Variants in GABRG3 observed in about 807,000 individuals in gnomAD.
GABRG3 encodes gamma-aminobutyric acid receptor subunit gamma-3.
Under a neutral mutation model 48.8 loss-of-function variants are expected in GABRG3, and 25 were observed. The observed-to-expected ratio is 0.51, with a 90% CI of 0.37 to 0.72. The LOEUF (loss-of-function observed/expected upper bound fraction) is 0.72. GABRG3 is among the 30% of genes least tolerant of loss of function. GABRG3 has a pLI of 0.00. For synonymous variants in GABRG3, 227 were observed against 217.6 expected (o/e 1.04, Z -0.38); for missense variants, 394 against 577.9 (o/e 0.68, Z 3.26).
chr15:27,290,791 A>G (rs1055942490), intron 3 of GABRG3, among the ~76,000 whole-genome samples: 1 of 152,208 alleles, frequency 6.6e-6, no homozygotes, highest in Non-Finnish European at 1.5e-5. Context: ...TTAGGGAAAA[A>G]CTAAGGAAAT....
intron 2 of GABRG3, among the ~76,000 whole-genome samples, chr15:26,996,190 A>G (rs768681113): frequency 1.3e-5 from 2 of 152,112 alleles, no homozygotes; most frequent in Non-Finnish European, 2.9e-5. Flanking sequence ...CTATGTAATT[A>G]TCTTTATTAG....
intron 5 of GABRG3, among the ~76,000 whole-genome samples, chr15:27,404,574 TTGTC>T (rs1398814917): frequency 1.3e-5 from 2 of 152,148 alleles, no homozygotes; most frequent in Non-Finnish European, 2.9e-5. Flanking sequence ...TTAATGGACA[TTGTC>T]TGCTCACTGG....
At chr15:27,351,053 GGT>G (rs199877040) in intron 5 of GABRG3, among the ~76,000 whole-genome samples, 13,100 of 149,134 alleles carry the variant, frequency 0.088, 768 homozygotes, top group African/African-American at 0.16. Flanking sequence ...ATGTGCATAT[GGT>G]GTGTGTGTGT....
chr15:27,482,866 C>G (rs1385089962), intron 6 of GABRG3, among the ~76,000 whole-genome samples: 2 of 152,180 alleles, frequency 1.3e-5, no homozygotes, highest in Non-Finnish European at 2.9e-5. Context: ...GTGAGGTGGT[C>G]TCTGTCCATT....
intron 3 of GABRG3, among the ~76,000 whole-genome samples, chr15:27,105,264 CAG>C (rs1294103905): frequency 6.6e-6 from 1 of 152,098 alleles, no homozygotes; most frequent in Non-Finnish European, 1.5e-5. Context: ...CATCAAGCAA[CAG>C]AGCCTCAAAA....
At chr15:27,071,281 T>C (rs996502140) in intron 3 of GABRG3, among the ~76,000 whole-genome samples, 5 of 152,110 alleles carry the variant, frequency 3.3e-5, no homozygotes, top group African/African-American at 1.2e-4. Flanking sequence ...GGAGGGGGCA[T>C]TTCTACCCTT....
At chr15:27,057,200 C>T (rs953564547) in intron 3 of GABRG3, among the ~76,000 whole-genome samples, 4 of 152,152 alleles carry the variant, frequency 2.6e-5, no homozygotes, top group Admixed American at 2.6e-4. Flanking sequence ...GTGGATCTTT[C>T]TTCCTAACTC....
At chr15:27,306,961 T>A (rs1429635630) in intron 3 of GABRG3, among the ~76,000 whole-genome samples, 1 of 127,570 alleles carries the variant, frequency 7.8e-6, no homozygotes, top group African/African-American at 3.0e-5. Flanking sequence ...ATAAACATGT[T>A]TATATATAAA....
In GABRG3 at chr15:27,053,522, A is replaced by G. The variant is rs115299731; in HGVS notation, c.270+26701A>G. ...AGGCTGCAGAGAAAATGGAACACTT[A>G]TACACTGTTGGTGAGAAGGTAAATT... On this transcript the variant is annotated intron_variant, in intron 3 of 9. Coordinates refer to ENST00000615808, the MANE Select transcript of GABRG3 (RefSeq NM_033223.5). Among the ~76,000 whole-genome samples the G allele has an allele frequency of 5.5e-3, 839 of 152,352 alleles. 8 individuals carry two copies. Among genetic ancestry groups the G allele is most frequent in the African/African-American group, 0.019 (786 of 41,576 alleles).
intron 5 of GABRG3, among the ~76,000 whole-genome samples, chr15:27,409,338 G>A (rs529202010): frequency 4.9e-4 from 75 of 152,032 alleles, no homozygotes; most frequent in African/African-American, 1.6e-3. Context: ...AGCACCATTT[G>A]TTGAGAAAGC....
At chr15:27,016,558 G>A (rs1344315939) in intron 2 of GABRG3, among the ~76,000 whole-genome samples, 1 of 152,006 alleles carries the variant, frequency 6.6e-6, no homozygotes, top group Admixed American at 6.6e-5. Context: ...TTGACAGTTG[G>A]ATTATGATGT....
chr15:27,040,750 T>C (rs574054576), intron 3 of GABRG3, among the ~76,000 whole-genome samples: 1 of 152,346 alleles, frequency 6.6e-6, no homozygotes, highest in South Asian at 2.1e-4. Context: ...TCTCTCTTTT[T>C]TGGCTGCAAA....
At chr15:27,361,680 A>G (rs1383775690) in intron 5 of GABRG3, among the ~76,000 whole-genome samples, 1 of 152,212 alleles carries the variant, frequency 6.6e-6, no homozygotes, top group Non-Finnish European at 1.5e-5. Flanking sequence ...GTGGGTGGTC[A>G]ACAGTCTTTA....
In GABRG3 at chr15:27,042,137, G is replaced by T. The variant is rs1595489185; in HGVS notation, c.270+15316G>T. Among the ~76,000 whole-genome samples, 4 of 152,208 alleles carry T rather than the reference G, an allele frequency of 2.6e-5. No individual in the cohort carries two copies. The South Asian group carries it at 8.3e-4, about 32-fold the overall frequency. Reference sequence around the variant, plus strand: ...TGAGGACACAGGATACTGTGGTCTGGCTGGATGCAAGCGGCTGCCCATGTG... The same window carrying T: ...TGAGGACACAGGATACTGTGGTCTGTCTGGATGCAAGCGGCTGCCCATGTG... On this transcript the variant is annotated intron_variant, in intron 3 of 9. Coordinates refer to ENST00000615808, the MANE Select transcript of GABRG3 (RefSeq NM_033223.5).
At chr15:27,501,186 C>G (rs766458816) in intron 6 of GABRG3, among the ~76,000 whole-genome samples, 1 of 152,066 alleles carries the variant, frequency 6.6e-6, no homozygotes, top group Non-Finnish European at 1.5e-5. Flanking sequence ...CTCCTGACCT[C>G]GTGATCTGCC....
chr15:27,496,669 A>C (rs184912383), intron 6 of GABRG3, among the ~76,000 whole-genome samples: 1 of 152,168 alleles, frequency 6.6e-6, no homozygotes, highest in Non-Finnish European at 1.5e-5. Context: ...AAGTATGTAG[A>C]CTTCATCTTC....
chr15:27,110,638 T>G (rs1897532603), intron 3 of GABRG3, among the ~76,000 whole-genome samples: 1 of 152,096 alleles, frequency 6.6e-6, no homozygotes, highest in Admixed American at 6.5e-5. Context: ...AAGCACAGTT[T>G]CACTGGATGT....
chr15:27,056,283 A>C (rs1261327228), intron 3 of GABRG3, among the ~76,000 whole-genome samples: 1 of 149,160 alleles, frequency 6.7e-6, no homozygotes, highest in Non-Finnish European at 1.5e-5. Context: ...CCTGGGGGGA[A>C]CTGAGGCCGC....
intron 3 of GABRG3, among the ~76,000 whole-genome samples, chr15:27,115,643 G>A (rs1021370023): frequency 6.6e-6 from 1 of 152,170 alleles, no homozygotes; most frequent in Non-Finnish European, 1.5e-5. Flanking sequence ...CAGTCTGACA[G>A]CTCAGGCTAA....
Sources: allele counts gnomAD v4.1 joint callset (sites outside exome capture counted in the v4.1 genomes callset), GRCh38; gene constraint gnomAD v4.1.1; transcripts MANE v1.5; gene names NCBI Gene and HGNC (gene_info 2026-07-23, HGNC 2026-07-21).